STAG2: variants seen among roughly 807,000 people sequenced by gnomAD.
STAG2 encodes cohesin subunit SA-2.
In STAG2, 14 loss-of-function variants were observed where a neutral mutation model predicts 108.1. That is an observed-to-expected ratio of 0.13 (90% CI 0.09 to 0.20). The LOEUF is 0.20. Ranked by LOEUF, STAG2 falls within the 10% of genes least tolerant of loss-of-function variation. STAG2 has a pLI of 1.00. For synonymous variants in STAG2, 307 were observed against 302.7 expected, an observed-to-expected ratio of 1.01 and a Z score of -0.15; for missense variants, 440 against 940.9, an observed-to-expected ratio of 0.47 and a Z score of 6.96.
intron 4 of STAG2, among the ~76,000 whole-genome samples, chrX:124,028,246 C>T (rs1471570732): frequency 9.0e-6 from 1 of 111,106 alleles, no homozygotes; most frequent in East Asian, 2.8e-4. Context: ...CATTCTAAGA[C>T]CCCCAGTGGA....
chrX:124,001,086 GAAA>G (rs1211588777), intron 1 of STAG2, among the ~76,000 whole-genome samples: 2 of 110,933 alleles, frequency 1.8e-5, no homozygotes, highest in Non-Finnish European at 3.8e-5. Flanking sequence ...TATTGAAGAA[GAAA>G]AAAAATTTTT....
chrX:124,056,940 GAGTGTGC>G (rs1340091597), intron 14 of STAG2, among the ~76,000 whole-genome samples: 1 of 107,123 alleles, frequency 9.3e-6, no homozygotes, highest in African/African-American at 3.4e-5. Context: ...GCCCAGGCTG[GAGTGTGC>G]AGTGGTGCGA....
At chrX:124,049,131 A>G in intron 10 of STAG2, 53 bp downstream of exon 10, 4 of 957,438 alleles carry the variant, frequency 4.2e-6, no homozygotes, top group Non-Finnish European at 5.9e-6. Context: ...TCTACTCAGC[A>G]AGTTTGCATA....
rs767297012 is a variant in STAG2, at chrX:124,045,157, G to A, written c.463-7G>A. 80 of 1,205,665 alleles carry A rather than the reference G, an allele frequency of 6.6e-5. No individual in the cohort carries two copies. The highest frequency in any genetic ancestry group is 8.9e-5 in the Non-Finnish European group (79 of 892,312). On this transcript the variant is annotated splice_polypyrimidine_tract_variant and splice_region_variant and intron_variant, in intron 7 of 34. Coordinates refer to ENST00000371145, the MANE Select transcript of STAG2 (RefSeq NM_001042750.2). ...AATGAAATTGCTGTTTTAAATTTTT[G>A]TTTTAGGATAGTGGAGATTATCCAC...
At chrX:123,997,116 C>T (rs1047514947) in intron 1 of STAG2, among the ~76,000 whole-genome samples, 10 of 111,946 alleles carry the variant, frequency 8.9e-5, no homozygotes, top group Non-Finnish European at 1.3e-4. Context: ...TCACCATTCG[C>T]ACTGTCTTAC....
chrX:123,998,486 T>TG lies in STAG2; in HGVS notation c.-162-22881_-162-22880insG, dbSNP rs1214674966. 1.0e-4 allele frequency among the ~76,000 whole-genome samples: 9 copies of TG among 87,549 alleles called. No homozygotes were observed. The East Asian group carries it at 2.2e-3, about 21-fold the overall frequency. 76.0% of individuals were successfully genotyped at this position (87,549 alleles called of 115,157 possible). ...ACGCCCTGCCGTGTGTGTGTATGTG[T>TG]TTTTTTTTTTTTTAAGGAACAGTTA... On this transcript the variant is annotated intron_variant, in intron 1 of 34. Transcript: ENST00000371145.
At chrX:124,011,806 A>C (rs2147922783) in intron 1 of STAG2, among the ~76,000 whole-genome samples, 1 of 110,731 alleles carries the variant, frequency 9.0e-6, no homozygotes, top group Admixed American at 9.7e-5. Flanking sequence ...CTATTAAATC[A>C]TTAATCCAGT....
chrX:123,975,468 G>A (rs1021046719), intron 1 of STAG2, among the ~76,000 whole-genome samples: 2 of 111,794 alleles, frequency 1.8e-5, no homozygotes, highest in East Asian at 2.8e-4. Flanking sequence ...GTGAGTATAC[G>A]TACTTTTTTT....
At chrX:124,048,427 C>G (rs2057938413) in intron 9 of STAG2, among the ~76,000 whole-genome samples, 1 of 111,298 alleles carries the variant, frequency 9.0e-6, no homozygotes, top group East Asian at 2.8e-4. Context: ...AACTACATTA[C>G]AGATTTCTTT....
chrX:124,072,678 T>C (rs2058692468), intron 25 of STAG2, among the ~76,000 whole-genome samples: 1 of 99,431 alleles, frequency 1.0e-5, no homozygotes, highest in African/African-American at 3.8e-5. Flanking sequence ...CAAGTAATTA[T>C]AGTGTTGTTG....
chrX:123,987,947 T>TC (rs1422749642), intron 1 of STAG2, among the ~76,000 whole-genome samples: 2 of 111,967 alleles, frequency 1.8e-5, no homozygotes, highest in Non-Finnish European at 3.8e-5. Flanking sequence ...TACAATTGTA[T>TC]CCATTTTGTG....
chrX:124,090,519 GA>G, intron 30 of STAG2, 55 bp from the exon 31 acceptor site: 1 of 993,060 alleles, frequency 1.0e-6, no homozygotes. Flanking sequence ...GGTTGTATTA[GA>G]CATCTGAATA....
chrX:124,030,590 G>A (rs1450807999), intron 4 of STAG2, among the ~76,000 whole-genome samples: 1 of 111,662 alleles, frequency 9.0e-6, no homozygotes, highest in Non-Finnish European at 1.9e-5. Context: ...CATTATCGCA[G>A]CAACCCTATG....
At chrX:123,992,545 G>T (rs759239010) in intron 1 of STAG2, among the ~76,000 whole-genome samples, 1 of 109,954 alleles carries the variant, frequency 9.1e-6, no homozygotes, top group Non-Finnish European at 1.9e-5. Flanking sequence ...AACAAATGCT[G>T]TGTTTTTCTT....
intron 5 of STAG2, among the ~76,000 whole-genome samples, chrX:124,033,327 T>C (rs755285837): frequency 8.9e-6 from 1 of 112,623 alleles, no homozygotes; most frequent in South Asian, 3.6e-4. Flanking sequence ...TCAGTTACAT[T>C]GTATTGCATT....
intron 1 of STAG2, among the ~76,000 whole-genome samples, chrX:124,015,473 C>T (rs2056687574): frequency 2.8e-5 from 3 of 106,488 alleles, no homozygotes; most frequent in African/African-American, 1.0e-4. Context: ...CAACCTCTGT[C>T]CCCCGGGTTC....
At chrX:123,986,067 CATATATCATATATACATATATGAT>C (rs1432916598) in intron 1 of STAG2, among the ~76,000 whole-genome samples, 21 of 104,493 alleles carry the variant, frequency 2.0e-4, no homozygotes, top group African/African-American at 7.3e-4. Flanking sequence ...ATATATGTGT[CATATATCATATATACATATATGAT>C]ATATATCATG....
chrX:124,050,602 A>AT (rs1009904057), intron 11 of STAG2, among the ~76,000 whole-genome samples: 2 of 111,084 alleles, frequency 1.8e-5, no homozygotes, highest in African/African-American at 6.6e-5. Context: ...AAGAAGAACC[A>AT]TTACGCTGTT....
intron 15 of STAG2, among the ~76,000 whole-genome samples, chrX:124,058,629 A>T: frequency 8.9e-6 from 1 of 112,328 alleles, no homozygotes; most frequent in East Asian, 2.8e-4. Flanking sequence ...GATGGGTAAT[A>T]AATTCTTAGT....
Sources: gnomAD v4.1 joint callset for allele counts (sites outside exome capture counted in the v4.1 genomes callset) on GRCh38, gnomAD v4.1.1 for gene constraint, MANE v1.5 for transcripts, NCBI Gene and HGNC (gene_info 2026-07-23, HGNC 2026-07-21) for gene names.